MYO16: variants seen among roughly 807,000 people sequenced by gnomAD.
The protein encoded by MYO16 is myosin XVI.
Under a neutral mutation model 205.3 loss-of-function variants are expected in MYO16, and 94 were observed. The ratio of observed to expected loss-of-function variants is 0.46; its 90% CI spans 0.39 to 0.54. The LOEUF is 0.54. Ranked by LOEUF, MYO16 falls within the 20% of genes least tolerant of loss-of-function variation. The pLI is 0.00. For synonymous variants in MYO16, 988 were observed against 954.0 expected (o/e 1.04, Z -0.66); for missense variants, 2,315 against 2,387.5 (o/e 0.97, Z 0.63).
chr13:109,054,269 T>C (rs200366810), intron 25 of MYO16: 40 of 367,486 alleles, frequency 1.1e-4, no homozygotes, highest in Admixed American at 5.4e-4. Context: ...TATTTGCTTA[T>C]TTGAAAAAAA....
At chr13:108,736,289 A>T (rs1017319144) in intron 4 of MYO16, among the ~76,000 whole-genome samples, 4 of 152,178 alleles carry the variant, frequency 2.6e-5, no homozygotes, top group African/African-American at 9.7e-5. Flanking sequence ...TCTAACATTG[A>T]AGTCTTTAAT....
At chr13:108,501,986 G>A in the MYO16 span, among the ~76,000 whole-genome samples, 2 of 152,148 alleles carry the variant, frequency 1.3e-5, no homozygotes, top group African/African-American at 4.8e-5. Flanking sequence ...GGCCGAGGCG[G>A]GCGGATCACG....
At chr13:109,193,121 C>T (rs1024568603) in intron 34 of MYO16, among the ~76,000 whole-genome samples, 2 of 152,140 alleles carry the variant, frequency 1.3e-5, no homozygotes, top group African/African-American at 2.4e-5. Flanking sequence ...CTCTCTCTCC[C>T]TCTCTCTTTC....
At chr13:108,765,660 C>G (rs537312101) in intron 4 of MYO16, among the ~76,000 whole-genome samples, 1 of 152,140 alleles carries the variant, frequency 6.6e-6, no homozygotes, top group South Asian at 2.1e-4. Context: ...ACGCTTTGCC[C>G]GGGGACCCAT....
intron 4 of MYO16, among the ~76,000 whole-genome samples, chr13:108,746,493 A>G (rs899963104): frequency 6.6e-6 from 1 of 152,090 alleles, no homozygotes; most frequent in Non-Finnish European, 1.5e-5. Flanking sequence ...ACAGTAATCT[A>G]TTATATATAT....
intron 20 of MYO16, among the ~76,000 whole-genome samples, 179 bp from the exon 21 acceptor site, chr13:108,992,196 TG>T (rs1300807206): frequency 1.3e-5 from 2 of 152,104 alleles, no homozygotes; most frequent in African/African-American, 2.4e-5. Context: ...ATAACAGTTT[TG>T]GGGGGGCTAA....
rs375244659 is a variant in MYO16 at position 108,690,101 on chromosome 13, A to G, written c.293-22560A>G. Among the ~76,000 whole-genome samples, 85 of 152,204 alleles carry G rather than the reference A, an allele frequency of 5.6e-4. 2 individuals carry two copies. Among genetic ancestry groups the G allele is most frequent in the African/African-American group, 1.9e-3 (77 of 41,548 alleles). On this transcript the variant is annotated intron_variant, in intron 2 of 34. Coordinates refer to ENST00000457511, the MANE Select transcript of MYO16 (RefSeq NM_001198950.3). ...CAGATACTCTCAAATTCTGTTTACC[A>G]TGAAGGTCGAACTCAGTGATTCAGA... is the stretch of plus-strand genomic sequence containing the variant.
intron 27 of MYO16, among the ~76,000 whole-genome samples, chr13:109,060,265 G>T (rs1887548068): frequency 6.6e-6 from 1 of 152,128 alleles, no homozygotes; most frequent in South Asian, 2.1e-4. Context: ...ACTGGATAAA[G>T]AAATTGTGAC....
intron 27 of MYO16, among the ~76,000 whole-genome samples, chr13:109,071,184 T>A (rs1887913795): frequency 6.6e-6 from 1 of 152,210 alleles, no homozygotes; most frequent in Non-Finnish European, 1.5e-5. Context: ...ATGAAAAGGA[T>A]GATGACAATA....
At chr13:108,664,806 C>T (rs1260662565) in intron 1 of MYO16, among the ~76,000 whole-genome samples, 1 of 152,108 alleles carries the variant, frequency 6.6e-6, no homozygotes, top group Non-Finnish European at 1.5e-5. Context: ...TTATACAATT[C>T]CATTACAGGT....
At chr13:108,891,443 C>G (rs891244985) in intron 14 of MYO16, among the ~76,000 whole-genome samples, 2 of 152,126 alleles carry the variant, frequency 1.3e-5, no homozygotes, top group Non-Finnish European at 2.9e-5. Flanking sequence ...AAATCGTGTT[C>G]AATTCCACAT....
At chr13:108,824,202 C>T (rs1202589554) in intron 9 of MYO16, among the ~76,000 whole-genome samples, 1 of 151,904 alleles carries the variant, frequency 6.6e-6, no homozygotes, top group Non-Finnish European at 1.5e-5. Context: ...TTGATAGCAC[C>T]TGTAAAATTA....
chr13:108,830,864 CTA>C (rs1302379288), intron 9 of MYO16, among the ~76,000 whole-genome samples: 5 of 152,130 alleles, frequency 3.3e-5, no homozygotes, highest in Admixed American at 6.5e-5. Context: ...ATTTATGTAG[CTA>C]TGTTTCTAGG....
chr13:108,534,358 A>G, the MYO16 span, among the ~76,000 whole-genome samples: 1 of 152,054 alleles, frequency 6.6e-6, no homozygotes, highest in East Asian at 1.9e-4. Flanking sequence ...AGCTGTCTTT[A>G]GTTTTGACAT....
At chr13:108,746,855 A>G (rs1885080708) in intron 4 of MYO16, among the ~76,000 whole-genome samples, 1 of 152,190 alleles carries the variant, frequency 6.6e-6, no homozygotes, top group Non-Finnish European at 1.5e-5. Flanking sequence ...ACTTAAGTAT[A>G]GCATATTTGA....
intron 12 of MYO16, among the ~76,000 whole-genome samples, chr13:108,870,817 G>T (rs1879014882): frequency 6.6e-6 from 1 of 151,738 alleles, no homozygotes; most frequent in African/African-American, 2.4e-5. Flanking sequence ...ATGTTGTATA[G>T]ATATATCCTT....
chr13:108,656,482 G>A (rs1412427002), intron 1 of MYO16, among the ~76,000 whole-genome samples: 1 of 152,076 alleles, frequency 6.6e-6, no homozygotes, highest in African/African-American at 2.4e-5. Context: ...GCGGGGGATG[G>A]GTAAAGGGCA....
chr13:108,539,141 G>A, the MYO16 span, among the ~76,000 whole-genome samples: 1 of 152,106 alleles, frequency 6.6e-6, no homozygotes, highest in African/African-American at 2.4e-5. Flanking sequence ...AGTGTTTCAT[G>A]TCCTGTACCT....
the MYO16 span, among the ~76,000 whole-genome samples, chr13:108,502,275 T>C: frequency 2.3e-4 from 35 of 152,114 alleles, no homozygotes; most frequent in South Asian, 7.1e-3. Context: ...AAGAAAAAAA[T>C]GAAGGGAAAA....
Sources: allele counts gnomAD v4.1 joint callset (sites outside exome capture counted in the v4.1 genomes callset), GRCh38; gene constraint gnomAD v4.1.1; transcripts MANE v1.5; gene names NCBI Gene and HGNC (gene_info 2026-07-23, HGNC 2026-07-21).